Variants in PRELID2 observed in about 807,000 individuals in gnomAD.
PRELID2 encodes PRELI domain containing 2.
Under a neutral mutation model 28.4 loss-of-function variants are expected in PRELID2, and 25 were observed. That is an observed-to-expected ratio of 0.88 (90% CI 0.64 to 1.23). The LOEUF (loss-of-function observed/expected upper bound fraction) is 1.23, where lower values mean the gene tolerates loss of function less well. Ranked by LOEUF, PRELID2 falls within the 50% of genes most tolerant of loss-of-function variation. The pLI, the probability that PRELID2 is intolerant of heterozygous loss-of-function variation, is 0.00. For synonymous variants in PRELID2, 76 were observed against 71.6 expected, an observed-to-expected ratio of 1.06 and a Z score of -0.31; for missense variants, 201 against 214.4, an observed-to-expected ratio of 0.94 and a Z score of 0.39.
intron 4 of PRELID2, among the ~76,000 whole-genome samples, chr5:145,810,201 C>T (rs1221309021): frequency 1.3e-5 from 2 of 152,188 alleles, no homozygotes; most frequent in African/African-American, 4.8e-5. Context: ...CAAAAGCTGA[C>T]TTTAATTTTT....
intron 5 of PRELID2, among the ~76,000 whole-genome samples, chr5:145,789,320 A>G (rs1196138345): frequency 1.3e-5 from 2 of 152,226 alleles, no homozygotes; most frequent in Non-Finnish European, 2.9e-5. Flanking sequence ...ATGGAATAGA[A>G]TAGAGAGACC....
the PRELID2 span, among the ~76,000 whole-genome samples, chr5:145,296,280 T>C: frequency 6.6e-6 from 1 of 151,856 alleles, no homozygotes; most frequent in Non-Finnish European, 1.5e-5. Flanking sequence ...CATGCTGGTG[T>C]GCTGCACCCA....
chr5:145,425,750 T>C, the PRELID2 span, among the ~76,000 whole-genome samples: 1 of 152,090 alleles, frequency 6.6e-6, no homozygotes, highest in African/African-American at 2.4e-5. Context: ...CACTGGGGCC[T>C]GTTGTGGGTT....
chr5:145,583,800 A>G (rs748098973), intron 1 of PRELID2, among the ~76,000 whole-genome samples: 1 of 152,196 alleles, frequency 6.6e-6, no homozygotes, highest in Non-Finnish European at 1.5e-5. Flanking sequence ...GGACACAAAC[A>G]TATGGAAAAA....
the PRELID2 span, among the ~76,000 whole-genome samples, chr5:145,340,541 G>C: frequency 6.6e-6 from 1 of 151,992 alleles, no homozygotes; most frequent in Non-Finnish European, 1.5e-5. Flanking sequence ...GCTGTGGTGG[G>C]CAGATCACTT....
intron 1 of PRELID2, among the ~76,000 whole-genome samples, chr5:145,614,535 C>A (rs1050108371): frequency 6.6e-6 from 1 of 152,088 alleles, no homozygotes; most frequent in African/African-American, 2.4e-5. Flanking sequence ...GGTCTTTCAG[C>A]TCCTTGGTTA....
At chr5:145,542,915 A>G (rs569640982) in intron 1 of PRELID2, among the ~76,000 whole-genome samples, 1 of 152,014 alleles carries the variant, frequency 6.6e-6, no homozygotes, top group East Asian at 1.9e-4. Context: ...AAGAACAAAG[A>G]TCTCTGGCCT....
the PRELID2 span, among the ~76,000 whole-genome samples, chr5:145,387,782 A>C: frequency 6.6e-6 from 1 of 151,886 alleles, no homozygotes; most frequent in African/African-American, 2.4e-5. Flanking sequence ...AAATACAAAA[A>C]TTAGCTGGGC....
chr5:145,723,937 G>A (rs1408397060), intron 1 of PRELID2, among the ~76,000 whole-genome samples: 5 of 152,088 alleles, frequency 3.3e-5, no homozygotes. Context: ...TATTGGAAGT[G>A]ACCTAAATAT....
At chr5:145,596,711 C>T (rs768872188) in intron 1 of PRELID2, among the ~76,000 whole-genome samples, 5 of 152,038 alleles carry the variant, frequency 3.3e-5, no homozygotes, top group Non-Finnish European at 7.4e-5. Context: ...CATCAGAGTT[C>T]GTACATGAGA....
At chr5:145,315,303 C>T in the PRELID2 span, among the ~76,000 whole-genome samples, 1,245 of 151,992 alleles carry the variant, frequency 8.2e-3, 15 homozygotes, top group African/African-American at 0.027. Flanking sequence ...CTCTTGACCT[C>T]GTGATCTGCC....
At chr5:145,762,238 G>C (rs1456088602) in intron 6 of PRELID2, among the ~76,000 whole-genome samples, 2 of 152,170 alleles carry the variant, frequency 1.3e-5, no homozygotes, top group Non-Finnish European at 2.9e-5. Context: ...ACTTAAGAGA[G>C]GAGAGTAAGT....
intron 1 of PRELID2, among the ~76,000 whole-genome samples, chr5:145,621,462 C>T (rs1753772979): frequency 6.6e-6 from 1 of 152,128 alleles, no homozygotes; most frequent in African/African-American, 2.4e-5. Flanking sequence ...TTTTTAGCAA[C>T]ATTAGTGATA....
At chr5:145,430,930 T>A in the PRELID2 span, among the ~76,000 whole-genome samples, 2 of 151,780 alleles carry the variant, frequency 1.3e-5, no homozygotes, top group African/African-American at 4.8e-5. Flanking sequence ...ACTGGAGGAA[T>A]TTTTTAAAAT....
the PRELID2 span, among the ~76,000 whole-genome samples, chr5:145,397,238 C>A: frequency 2.2e-4 from 34 of 152,036 alleles, no homozygotes; most frequent in Non-Finnish European, 4.9e-4. Flanking sequence ...CCGAAGGCCC[C>A]CAGATGACTT....
chr5:145,555,409 T>G (rs1752872482), intron 1 of PRELID2, among the ~76,000 whole-genome samples: 1 of 152,218 alleles, frequency 6.6e-6, no homozygotes, highest in South Asian at 2.1e-4. Flanking sequence ...TTATTGAGCA[T>G]CTACTAAATG....
the PRELID2 span, among the ~76,000 whole-genome samples, chr5:145,381,033 G>A: frequency 5.3e-5 from 8 of 152,118 alleles, no homozygotes; most frequent in Non-Finnish European, 8.8e-5. Context: ...CTGCTTCATC[G>A]TAGCATGTAT....
At chr5:145,497,449 ACTT>A (rs1752319000) in intron 1 of PRELID2, among the ~76,000 whole-genome samples, 1 of 152,086 alleles carries the variant, frequency 6.6e-6, no homozygotes, top group South Asian at 2.1e-4. Flanking sequence ...CTTCCAATAA[ACTT>A]CTTGCATTTA....
chr5:145,434,096 GCTT>G, the PRELID2 span, among the ~76,000 whole-genome samples: 1 of 152,138 alleles, frequency 6.6e-6, no homozygotes, highest in African/African-American at 2.4e-5. Flanking sequence ...TTGCCATGCT[GCTT>G]CTTTCCAAGT....
Sources: allele counts gnomAD v4.1 joint callset (sites outside exome capture counted in the v4.1 genomes callset), GRCh38; gene constraint gnomAD v4.1.1; transcripts MANE v1.5; gene names NCBI Gene and HGNC (gene_info 2026-07-23, HGNC 2026-07-21).